Variants in WDR27 observed in about 807,000 individuals in gnomAD.
The protein encoded by WDR27 is WD repeat-containing protein 27.
WDR27 carries 100 observed loss-of-function variants against 114.4 expected under a neutral mutation model. The ratio of observed to expected loss-of-function variants is 0.87; its 90% CI spans 0.74 to 1.03. WDR27 has a LOEUF of 1.03. Among genes scored for constraint, WDR27 ranks in the 50% least tolerant of loss-of-function variants. WDR27 has a pLI of 0.00. For synonymous variants in WDR27, 449 were observed against 423.1 expected (o/e 1.06, Z -0.75); for missense variants, 1,129 against 1,092.9 (o/e 1.03, Z -0.47).
In WDR27 at chr6:169,612,440, C is replaced by T. The variant is rs1027207499; in HGVS notation, c.2321+1119G>A. 7.9e-5 allele frequency among the ~76,000 whole-genome samples: 11 copies of T among 139,762 alleles called. No homozygotes were observed. In the East Asian group the frequency reaches 1.4e-3, roughly 18 times the overall value. The allele number at this position is 139,762 out of a possible 152,430, so 91.7% of individuals were successfully genotyped here. On this transcript the variant is annotated intron_variant, in intron 22 of 25. Coordinates refer to ENST00000448612, the MANE Select transcript of WDR27 (RefSeq NM_182552.5). ...GAGACTCCGTCTCAAAACAAACAAA[C>T]GAACAAACAAACAAACAAAAAATTA...
chr6:169,563,462 A>G (rs1282423864), intron 25 of WDR27, among the ~76,000 whole-genome samples: 2 of 152,204 alleles, frequency 1.3e-5, no homozygotes, highest in Non-Finnish European at 2.9e-5. Context: ...ATGTGCCTGA[A>G]CTAACATCCG....
At chr6:169,584,854 G>A (rs1804240155) in intron 23 of WDR27, among the ~76,000 whole-genome samples, 1 of 152,022 alleles carries the variant, frequency 6.6e-6, no homozygotes, top group Non-Finnish European at 1.5e-5. Flanking sequence ...CAGTCCATAG[G>A]TTGCTTTTTC....
intron 13 of WDR27, among the ~76,000 whole-genome samples, chr6:169,655,153 A>G (rs1379232812): frequency 6.6e-6 from 1 of 152,188 alleles, no homozygotes; most frequent in Non-Finnish European, 1.5e-5. Context: ...ACCCAGTGCT[A>G]TTCTTGTCTC....
chr6:169,603,939 C>G (rs1268713331), intron 22 of WDR27, among the ~76,000 whole-genome samples: 1 of 152,048 alleles, frequency 6.6e-6, no homozygotes, highest in Non-Finnish European at 1.5e-5. Flanking sequence ...CGTAGTAAAG[C>G]CTGTATGATA....
At chr6:169,438,333 G>A in the WDR27 span, among the ~76,000 whole-genome samples, 1 of 149,852 alleles carries the variant, frequency 6.7e-6, no homozygotes, top group South Asian at 2.1e-4. Context: ...CGCCTCCCAG[G>A]TTCATGCCAT....
chr6:169,667,884 G>GGCGGCC, intron 5 of WDR27, 98 bp downstream of exon 5: 1 of 1,173,318 alleles, frequency 8.5e-7, no homozygotes, highest in Non-Finnish European at 1.2e-6. Context: ...ACATCACTCA[G>GGCGGCC]GCGGCCGTGG....
intron 22 of WDR27, among the ~76,000 whole-genome samples, chr6:169,607,803 A>T (rs1809563238): frequency 6.6e-6 from 1 of 152,220 alleles, no homozygotes; most frequent in Non-Finnish European, 1.5e-5. Context: ...AGCAATAATC[A>T]CTAGAAAATG....
intron 25 of WDR27, among the ~76,000 whole-genome samples, chr6:169,483,786 T>C (rs1788517515): frequency 6.6e-6 from 1 of 151,150 alleles, no homozygotes; most frequent in Non-Finnish European, 1.5e-5. Flanking sequence ...AAGAAAATAC[T>C]AGCAAACCAA....
intron 17 of WDR27, among the ~76,000 whole-genome samples, 185 bp downstream of exon 17, chr6:169,643,512 A>C (rs1359199788): frequency 1.1e-4 from 17 of 152,212 alleles, no homozygotes; most frequent in Admixed American, 1.0e-3. Flanking sequence ...CGCTGTTCTC[A>C]TGAGTTATGT....
rs938920814 is a variant in WDR27, at chr6:169,520,807, A to G, written c.2645+51612T>C. Among the ~76,000 whole-genome samples the G allele has an allele frequency of 2.0e-4, 31 of 152,300 alleles. 1 individual carries two copies. The highest frequency in any genetic ancestry group is 7.0e-4 in the African/African-American group (29 of 41,560). ...AGCAGAGGAAAGAATCAGTGAGTTC[A>G]AAGACAGGTTACCTGAAATACAGAA... On this transcript the variant is annotated intron_variant, in intron 25 of 25. Transcript: ENST00000448612.
At chr6:169,624,873 G>A (rs1814391015) in intron 21 of WDR27, among the ~76,000 whole-genome samples, 1 of 152,150 alleles carries the variant, frequency 6.6e-6, no homozygotes, top group Non-Finnish European at 1.5e-5. Flanking sequence ...ACGAGACCAG[G>A]AACACAGGTT....
intron 15 of WDR27, 102 bp downstream of exon 15, chr6:169,649,096 A>G (rs1821557999): frequency 1.1e-6 from 1 of 917,118 alleles, no homozygotes; most frequent in East Asian, 2.6e-5. Context: ...AAACACATGT[A>G]CACATATAAG....
At chr6:169,503,850 A>T (rs1020114338) in intron 25 of WDR27, among the ~76,000 whole-genome samples, 1 of 151,916 alleles carries the variant, frequency 6.6e-6, no homozygotes, top group Non-Finnish European at 1.5e-5. Flanking sequence ...AAAACACAGG[A>T]GTAAAAGCTA....
chr6:169,659,200 C>A lies in WDR27; in HGVS notation c.1205G>T (p.Cys402Phe). 6.2e-7 allele frequency: 1 copy of A among 1,601,326 alleles called. No homozygotes were observed. Among genetic ancestry groups the A allele is most frequent in the Middle Eastern group, 1.7e-4 (1 of 5,966 alleles). The part of the protein sequence containing the change: ...RNRTADQKVL[C>F]LLASLFGGKI... ...CCCGCCAAAGAGGGAGGCCAGCAAGCACAGCACCTGCAGGGACGCGGTTTC... is the reference window on the plus strand; with the variant it reads ...CCCGCCAAAGAGGGAGGCCAGCAAGAACAGCACCTGCAGGGACGCGGTTTC... Residue 402 changes from cysteine (C) to phenylalanine (F), a missense_variant, in exon 12 of 26, where the codon TGC becomes TTC. Coordinates refer to ENST00000448612, the MANE Select transcript of WDR27 (RefSeq NM_182552.5). This position sits in a 1 kb window ranked among gnomAD's most constrained non-coding sequence, Gnocchi z 4.3.
intron 7 of WDR27, chr6:169,664,501 C>T (rs573493956): frequency 2.1e-5 from 30 of 1,407,402 alleles, no homozygotes; most frequent in Admixed American, 2.9e-5. Flanking sequence ...ACACGGCTGG[C>T]ACATCAGCTC....
intron 23 of WDR27, among the ~76,000 whole-genome samples, chr6:169,584,633 A>G (rs1804198010): frequency 6.6e-6 from 1 of 152,074 alleles, no homozygotes; most frequent in African/African-American, 2.4e-5. Flanking sequence ...AGTGGTTTCA[A>G]TTTGCATTTC....
the WDR27 span, among the ~76,000 whole-genome samples, chr6:169,442,428 G>A: frequency 6.6e-6 from 1 of 152,148 alleles, no homozygotes; most frequent in African/African-American, 2.4e-5. Context: ...GAGAGATATG[G>A]AACCTCCCTT....
chr6:169,429,715 G>A, the WDR27 span, among the ~76,000 whole-genome samples: 1 of 152,166 alleles, frequency 6.6e-6, no homozygotes, highest in Non-Finnish European at 1.5e-5. Flanking sequence ...GTCATCTGAA[G>A]GGTTATTAAA....
At chr6:169,477,387 G>A (rs1053857927) in intron 25 of WDR27, among the ~76,000 whole-genome samples, 1 of 152,204 alleles carries the variant, frequency 6.6e-6, no homozygotes, top group African/African-American at 2.4e-5. Flanking sequence ...CTGGCGGGAA[G>A]GTATAATTGC....
Sources: allele counts gnomAD v4.1 joint callset (sites outside exome capture counted in the v4.1 genomes callset), GRCh38; gene constraint gnomAD v4.1.1; non-coding constraint Gnocchi (gnomAD v3.1); transcripts MANE v1.5; gene names NCBI Gene and HGNC (gene_info 2026-07-23, HGNC 2026-07-21).